The following ECHDC3 variants were observed in gnomAD, a reference collection of about 807,000 sequenced individuals.
ECHDC3 encodes the protein enoyl-CoA hydratase domain containing 3.
In ECHDC3, 20 loss-of-function variants were observed where a neutral mutation model predicts 17.9. The ratio of observed to expected loss-of-function variants is 1.12; its 90% CI spans 0.79 to 1.63. The LOEUF is 1.63. Among genes scored for constraint, ECHDC3 ranks in the 40% most tolerant of loss-of-function variants. The pLI is 0.00. For synonymous variants in ECHDC3, 177 were observed against 149.7 expected (o/e 1.18, Z -1.33); for missense variants, 407 against 357.7 (o/e 1.14, Z -1.11).
intron 4 of ECHDC3, 151 bp downstream of exon 4, chr10:11,755,759 G>C: frequency 1.5e-6 from 1 of 670,040 alleles, no homozygotes. Context: ...GGGCCAGGAT[G>C]TTCCCTCTAA....
chr10:11,757,597 C>CT (rs5783229), intron 4 of ECHDC3, among the ~76,000 whole-genome samples: 142,257 of 152,138 alleles, frequency 0.94, 67,313 homozygotes, highest in East Asian at 1. Context: ...AATCACTCAA[C>CT]TGGAGACTCG....
chr10:11,746,173 CA>C (rs1430674663), intron 1 of ECHDC3, among the ~76,000 whole-genome samples: 2 of 151,684 alleles, frequency 1.3e-5, no homozygotes, highest in Non-Finnish European at 2.9e-5. Flanking sequence ...ACTAAAAATA[CA>C]AAAATTAGCT....
intron 2 of ECHDC3, among the ~76,000 whole-genome samples, chr10:11,748,431 G>A (rs1039954158): frequency 6.6e-6 from 1 of 152,018 alleles, no homozygotes; most frequent in African/African-American, 2.4e-5. Context: ...TTGCTATGTT[G>A]CCCAGGCTGG....
intron 4 of ECHDC3, among the ~76,000 whole-genome samples, chr10:11,756,829 A>G (rs574154595): frequency 5.9e-5 from 9 of 151,968 alleles, no homozygotes; most frequent in South Asian, 2.1e-4. Flanking sequence ...GCTCACTGCA[A>G]TGTTCAAGGG....
intron 1 of ECHDC3, among the ~76,000 whole-genome samples, chr10:11,746,160 T>G (rs543062039): frequency 6.6e-6 from 1 of 151,980 alleles, no homozygotes; most frequent in Admixed American, 6.6e-5. Flanking sequence ...AAACCTCAGC[T>G]CTACTAAAAA....
At chr10:11,750,644 C>T (rs1832813110) in intron 3 of ECHDC3, among the ~76,000 whole-genome samples, 1 of 152,170 alleles carries the variant, frequency 6.6e-6, no homozygotes, top group Admixed American at 6.5e-5. Context: ...TATTATAGTA[C>T]CTGCAAGACA....
At chr10:11,752,404 G>A (rs1832836589) in intron 3 of ECHDC3, 1 of 150,714 alleles carries the variant, frequency 6.6e-6, no homozygotes, top group Non-Finnish European at 1.5e-5. Context: ...ACAGGTGTGA[G>A]CCACAGCACC....
intron 4 of ECHDC3, among the ~76,000 whole-genome samples, chr10:11,762,601 C>T (rs1217120110): frequency 1.3e-5 from 2 of 152,146 alleles, no homozygotes; most frequent in Non-Finnish European, 2.9e-5. Context: ...GGGAGCTGGG[C>T]TCCCCCGCTC....
At chr10:11,758,942 C>T (rs552261756) in intron 4 of ECHDC3, among the ~76,000 whole-genome samples, 1 of 152,340 alleles carries the variant, frequency 6.6e-6, no homozygotes, top group East Asian at 1.9e-4. Context: ...GCTGTGTCCT[C>T]CCCAAATTCC....
chr10:11,756,074 T>C (rs1356395216), intron 4 of ECHDC3, among the ~76,000 whole-genome samples: 1 of 152,332 alleles, frequency 6.6e-6, no homozygotes, highest in Non-Finnish European at 1.5e-5. Flanking sequence ...CAGTCTGTCT[T>C]GTTCCAGAAC....
At chr10:11,755,823 C>A in intron 4 of ECHDC3, 1 of 505,772 alleles carries the variant, frequency 2.0e-6, no homozygotes. Flanking sequence ...CTTCTGACGC[C>A]AGGCGTCAAT....
chr10:11,749,616 G>T, intron 3 of ECHDC3, 24 bp downstream of exon 3: 1 of 1,607,502 alleles, frequency 6.2e-7, no homozygotes, highest in Non-Finnish European at 8.5e-7. Flanking sequence ...ACAGTCGACA[G>T]TGCAAACCTG....
intron 4 of ECHDC3, among the ~76,000 whole-genome samples, chr10:11,762,202 G>A (rs879918842): frequency 6.6e-6 from 1 of 152,162 alleles, no homozygotes; most frequent in Non-Finnish European, 1.5e-5. Context: ...GACGGGAGTC[G>A]CATCAGGGTT....
intron 3 of ECHDC3, among the ~76,000 whole-genome samples, chr10:11,753,553 G>A (rs758316391): frequency 1.3e-5 from 2 of 151,794 alleles, no homozygotes; most frequent in East Asian, 3.9e-4. Flanking sequence ...CAGTTCCTTG[G>A]GTGGTGCAAC....
At chr10:11,761,722 C>G (rs1174953273) in intron 4 of ECHDC3, among the ~76,000 whole-genome samples, 3 of 152,230 alleles carry the variant, frequency 2.0e-5, no homozygotes, top group Admixed American at 6.5e-5. Flanking sequence ...GCATGGAGGC[C>G]AGGTCCCAAG....
chr10:11,754,096 A>T (rs920473660), intron 3 of ECHDC3, among the ~76,000 whole-genome samples: 2 of 152,226 alleles, frequency 1.3e-5, no homozygotes, highest in Non-Finnish European at 2.9e-5. Flanking sequence ...ATTAGCGTTT[A>T]TCAGGTTCTC....
intron 1 of ECHDC3, 123 bp downstream of exon 1, chr10:11,742,869 C>T (rs376621953): frequency 3.6e-6 from 4 of 1,104,776 alleles, no homozygotes; most frequent in Middle Eastern, 3.4e-4. Context: ...GGGAACTCCC[C>T]GTGTCCCGGA....
At chr10:11,749,721 T>C in intron 3 of ECHDC3, 129 bp downstream of exon 3, 1 of 548,468 alleles carries the variant, frequency 1.8e-6, no homozygotes, top group South Asian at 1.9e-5. Flanking sequence ...CTGGAAACTG[T>C]TTGGTCATCA....
intron 1 of ECHDC3, 62 bp downstream of exon 1, chr10:11,742,808 T>C (rs979572119): frequency 7.0e-5 from 86 of 1,220,832 alleles, no homozygotes; most frequent in African/African-American, 5.7e-4. Flanking sequence ...GGCGCCGCCA[T>C]TGACCCGGGG....
Sources: gnomAD v4.1 joint callset for allele counts (sites outside exome capture counted in the v4.1 genomes callset) on GRCh38, gnomAD v4.1.1 for gene constraint, MANE v1.5 for transcripts, NCBI Gene and HGNC (gene_info 2026-07-23, HGNC 2026-07-21) for gene names.